The following TOGARAM1 variants were observed in gnomAD, a reference collection of about 807,000 sequenced individuals.
TOGARAM1 encodes the protein TOG array regulator of axonemal microtubules 1.
TOGARAM1 carries 100 observed loss-of-function variants against 166.6 expected under a neutral mutation model. The observed-to-expected ratio is 0.60, with a 90% CI of 0.51 to 0.71. The LOEUF (loss-of-function observed/expected upper bound fraction) is 0.71, where lower values mean the gene tolerates loss of function less well. Ranked by LOEUF, TOGARAM1 falls within the 30% of genes least tolerant of loss-of-function variation. The probability of loss-of-function intolerance (pLI) is 0.00; values close to 1 mark genes in which losing one functional copy is unlikely to be tolerated. For synonymous variants in TOGARAM1, 758 were observed against 763.8 expected (o/e 0.99, Z 0.13); for missense variants, 2,029 against 2,102.7 (o/e 0.96, Z 0.69).
intron 1 of TOGARAM1, among the ~76,000 whole-genome samples, chr14:44,985,478 A>G (rs1037698623): frequency 6.6e-5 from 10 of 152,220 alleles, no homozygotes; most frequent in African/African-American, 2.4e-4. Context: ...TTTCAGGATG[A>G]ACCTGTTCCA....
Position 44,963,447 on chromosome 14 carries a change from C to T in TOGARAM1, c.1026C>T (p.Ser342=), listed in dbSNP as rs1885324228. Residue 342 remains serine (S), a synonymous_variant, in exon 1 of 20, where the codon TCC becomes TCT. Transcript: ENST00000361462. ...CCCTTCCCTGTGCAGTGACTCTTTCCAACAGCAATCTTAAATTTGGGATTA... is the reference window on the plus strand; with the variant it reads ...CCCTTCCCTGTGCAGTGACTCTTTCTAACAGCAATCTTAAATTTGGGATTA... ...EDPLPCAVTL[S]NSNLKFGIIP... 6.2e-7 allele frequency: 1 copy of T among 1,614,012 alleles called. No homozygotes were observed. Among genetic ancestry groups the T allele is most frequent in the African/African-American group, 1.3e-5 (1 of 74,890 alleles).
chr14:45,004,111 C>A lies in TOGARAM1; in HGVS notation c.2389C>A (p.Gln797Lys). 1 of 1,614,048 alleles carries A rather than the reference C, an allele frequency of 6.2e-7. No homozygotes were observed. Among genetic ancestry groups the A allele is most frequent in the African/African-American group, 1.3e-5 (1 of 75,034 alleles). The change falls in exon 4 of 20, where the codon CAA becomes AAA. Residue 797 changes from glutamine (Q) to lysine (K), a missense_variant. This residue lies in a region of TOGARAM1 where 1,453 missense variants were observed against 1,432.2 expected (regional missense o/e 1.01). Transcript: ENST00000361462. ...TAAGACACAGCAAACATTTGGTAGT[C>A]AAACAGAGTGTACTTCCTCAAATGG... The part of the protein sequence containing the change: ...GSKTQQTFGS[Q>K]TECTSSNGQN...
chr14:45,061,284 C>CAACATG (rs1247422104), intron 16 of TOGARAM1, among the ~76,000 whole-genome samples: 1 of 152,224 alleles, frequency 6.6e-6, no homozygotes. Context: ...TGTGCTTTTA[C>CAACATG]AACATGCCCC....
At chr14:44,992,842 C>T (rs1449160385) in intron 1 of TOGARAM1, among the ~76,000 whole-genome samples, 2 of 151,498 alleles carry the variant, frequency 1.3e-5, no homozygotes, top group Non-Finnish European at 2.9e-5. Context: ...TGGTCTCGAT[C>T]TCCTGACCTC....
rs76940153 is a variant in TOGARAM1 at position 44,990,740 on chromosome 14, C to T, written c.2047-5006C>T. Among the ~76,000 whole-genome samples the T allele has an allele frequency of 2.2e-3, 339 of 152,184 alleles. 1 individual carries two copies. Among genetic ancestry groups the T allele is most frequent in the African/African-American group, 7.5e-3 (313 of 41,496 alleles). On this transcript the variant is annotated intron_variant, in intron 1 of 19. Transcript: ENST00000361462. ...ACATTTTATGGGTGTGGTTAGCTGA[C>T]GGCTACAGAGAGTTCAGTGTGGGTA... is the stretch of plus-strand genomic sequence containing the variant.
intron 1 of TOGARAM1, among the ~76,000 whole-genome samples, chr14:44,985,070 G>C (rs1886721229): frequency 1.3e-5 from 2 of 151,898 alleles, no homozygotes; most frequent in South Asian, 4.2e-4. Context: ...CTGGAGTGCA[G>C]TGGCGCAATC....
intron 1 of TOGARAM1, among the ~76,000 whole-genome samples, chr14:44,964,903 A>AATTCCT (rs1885430255): frequency 1.4e-5 from 2 of 145,132 alleles, no homozygotes; most frequent in African/African-American, 5.1e-5. Flanking sequence ...AAATATAAAG[A>AATTCCT]GTCCTGCAGG....
intron 7 of TOGARAM1, chr14:45,023,024 A>T (rs1344413649): frequency 6.6e-6 from 1 of 152,124 alleles, no homozygotes; most frequent in Non-Finnish European, 1.5e-5. Context: ...TCCTTCTCCT[A>T]ATTCTAGTGC....
intron 6 of TOGARAM1, among the ~76,000 whole-genome samples, chr14:45,011,363 A>C (rs1443481883): frequency 6.6e-6 from 1 of 151,902 alleles, no homozygotes; most frequent in Non-Finnish European, 1.5e-5. Context: ...CTCAGGCTGG[A>C]GTGTAGTAGT....
intron 10 of TOGARAM1, 29 bp from the exon 11 acceptor site, chr14:45,032,194 C>T: frequency 1.3e-6 from 2 of 1,583,080 alleles, no homozygotes; most frequent in Non-Finnish European, 1.7e-6. Context: ...AAGGTTCTCT[C>T]ATAGTTTATT....
At chr14:45,066,114 A>G (rs1883126931) in intron 16 of TOGARAM1, among the ~76,000 whole-genome samples, 1 of 152,196 alleles carries the variant, frequency 6.6e-6, no homozygotes, top group Non-Finnish European at 1.5e-5. Flanking sequence ...GACAGTCCCT[A>G]CATTACCAGC....
chr14:45,011,096 T>G (rs1879760204), intron 6 of TOGARAM1, among the ~76,000 whole-genome samples: 1 of 152,208 alleles, frequency 6.6e-6, no homozygotes, highest in Non-Finnish European at 1.5e-5. Context: ...AAGCTCAGAT[T>G]TAACATTCTT....
At position 44,962,487 on chromosome 14, in the gene TOGARAM1, C is replaced by G; in HGVS notation, c.66C>G (p.Leu22=). The G allele has an allele frequency of 1.2e-6, 2 of 1,610,266 alleles. No individual in the cohort carries two copies. The highest frequency in any genetic ancestry group is 2.2e-5 in the East Asian group (1 of 44,874). ...TTCCAGTCCTCTCTACCTATCGGCT[C>G]CAGAGCCGCAGTCGTCCTTCCGCCC... ...PPFPVLSTYR[L]QSRSRPSAPE... The change falls in exon 1 of 20, where the codon CTC becomes CTG. Residue 22 remains leucine, a synonymous_variant. Coordinates refer to ENST00000361462, the MANE Select transcript of TOGARAM1 (RefSeq NM_001308120.2).
intron 11 of TOGARAM1, among the ~76,000 whole-genome samples, chr14:45,040,190 C>T (rs577810422): frequency 6.6e-6 from 1 of 152,106 alleles, no homozygotes; most frequent in African/African-American, 2.4e-5. Context: ...AAGTAACACA[C>T]TTATATGTGT....
At chr14:44,968,532 G>C (rs1885690332) in intron 1 of TOGARAM1, among the ~76,000 whole-genome samples, 1 of 152,198 alleles carries the variant, frequency 6.6e-6, no homozygotes, top group African/African-American at 2.4e-5. Flanking sequence ...ACAGGCGTGA[G>C]CCACCGCGCC....
At chr14:44,996,700 T>G (rs888632798) in intron 2 of TOGARAM1, 3 of 152,676 alleles carry the variant, frequency 2.0e-5, no homozygotes, top group Non-Finnish European at 4.4e-5. Flanking sequence ...GAGGTTTAAT[T>G]GGCTCATGGT....
At chr14:44,969,442 A>G (rs188253941) in intron 1 of TOGARAM1, among the ~76,000 whole-genome samples, 1 of 152,168 alleles carries the variant, frequency 6.6e-6, no homozygotes, top group Admixed American at 6.5e-5. Flanking sequence ...GCAAGCTACC[A>G]CGCCTGGCCT....
At chr14:44,986,580 A>G (rs1164647728) in intron 1 of TOGARAM1, among the ~76,000 whole-genome samples, 1 of 151,982 alleles carries the variant, frequency 6.6e-6, no homozygotes, top group Non-Finnish European at 1.5e-5. Context: ...TACAGGCATG[A>G]GCCACCACTC....
intron 1 of TOGARAM1, among the ~76,000 whole-genome samples, chr14:44,981,199 T>C (rs1438748003): frequency 6.6e-6 from 1 of 152,200 alleles, no homozygotes; most frequent in Non-Finnish European, 1.5e-5. Context: ...AAGACTGTTA[T>C]TTAAGAGACA....
Sources: allele counts gnomAD v4.1 joint callset (sites outside exome capture counted in the v4.1 genomes callset), GRCh38; gene constraint gnomAD v4.1.1; regional missense constraint gnomAD v4.1.1; transcripts MANE v1.5; gene names NCBI Gene and HGNC (gene_info 2026-07-23, HGNC 2026-07-21).